RAB10: variants seen among roughly 807,000 people sequenced by gnomAD.
The protein encoded by RAB10 is ras-related protein Rab-10.
In RAB10, 5 loss-of-function variants were observed where a neutral mutation model predicts 25.7. The ratio of observed to expected loss-of-function variants is 0.19; its 90% CI spans 0.10 to 0.41. RAB10 has a LOEUF of 0.41. RAB10 is among the 10% of genes least tolerant of loss of function. RAB10 has a pLI of 1.00. For missense variants in RAB10, 103 were observed against 245.8 expected, an observed-to-expected ratio of 0.42 and a Z score of 3.89; for synonymous variants, 89 against 86.4, an observed-to-expected ratio of 1.03 and a Z score of -0.16.
chr2:26,082,824 T>C (rs1056942091), intron 1 of RAB10, among the ~76,000 whole-genome samples: 1 of 152,172 alleles, frequency 6.6e-6, no homozygotes, highest in East Asian at 1.9e-4. Context: ...GAGATTTTTT[T>C]CAAGAACATA....
intron 1 of RAB10, among the ~76,000 whole-genome samples, chr2:26,035,865 A>T (rs1279863363): frequency 1.3e-5 from 2 of 152,202 alleles, no homozygotes; most frequent in Non-Finnish European, 2.9e-5. Flanking sequence ...TTCTTTTGTG[A>T]CAAATACCTG....
intron 1 of RAB10, among the ~76,000 whole-genome samples, chr2:26,079,354 CTATATACACAT>C (rs1319870278): frequency 2.7e-5 from 4 of 149,228 alleles, no homozygotes; most frequent in Non-Finnish European, 4.5e-5. Flanking sequence ...CACACACACA[CTATATACACAT>C]ACTAGGATTA....
intron 5 of RAB10, among the ~76,000 whole-genome samples, chr2:26,134,235 CCTCCT>C (rs1668064909): frequency 6.6e-6 from 1 of 152,076 alleles, no homozygotes; most frequent in African/African-American, 2.4e-5. Flanking sequence ...CTTGCCTCAG[CCTCCT>C]GAGTAGCTGG....
chr2:26,110,872 AT>A (rs11358915), intron 3 of RAB10, among the ~76,000 whole-genome samples: 116,352 of 151,880 alleles, frequency 0.77, 44,635 homozygotes, highest in East Asian at 0.87. Flanking sequence ...CACCCGGCTA[AT>A]TTTTGTATTT....
In RAB10 at chr2:26,042,068, TGG is replaced by T. The variant is rs1559576220; in HGVS notation, c.127+7334_127+7335del. 2.6e-5 allele frequency among the ~76,000 whole-genome samples: 4 copies of T among 152,180 alleles called. No individual in the cohort carries two copies. The East Asian group carries it at 7.7e-4, about 29-fold the overall frequency. On this transcript the variant is annotated intron_variant, in intron 1 of 5. Transcript: ENST00000264710. ...ACTTATTAGTGATGTGGGAATTACA[TGG>T]ATTTGTCCCCAAAGCACAAGCTTTT...
At position 26,079,062 on chromosome 2, in the gene RAB10, C is replaced by G. The variant is rs566465243; in HGVS notation, c.128-19600C>G. 2.6e-5 allele frequency among the ~76,000 whole-genome samples: 4 copies of G among 152,156 alleles called. No homozygotes were observed. The East Asian group carries it at 5.8e-4, about 22-fold the overall frequency. ...ATTAGCTGAGTATGGTGGTGCCCAC[C>G]TGTAGTCCCAGCTACTCTGGAGGCT... On this transcript the variant is annotated intron_variant, in intron 1 of 5. Coordinates refer to ENST00000264710, the MANE Select transcript of RAB10 (RefSeq NM_016131.5).
chr2:26,092,735 G>A (rs1667134355), intron 1 of RAB10, among the ~76,000 whole-genome samples: 1 of 152,082 alleles, frequency 6.6e-6, no homozygotes, highest in Admixed American at 6.6e-5. Flanking sequence ...AATAGTATCA[G>A]TTGTCACACT....
chr2:26,131,886 T>G (rs1202310208), intron 5 of RAB10, among the ~76,000 whole-genome samples: 1 of 152,276 alleles, frequency 6.6e-6, no homozygotes, highest in Non-Finnish European at 1.5e-5. Context: ...GTTTATATCA[T>G]AATTGAACAA....
At chr2:26,128,694 C>T (rs886520806) in intron 5 of RAB10, among the ~76,000 whole-genome samples, 2 of 152,004 alleles carry the variant, frequency 1.3e-5, no homozygotes, top group African/African-American at 4.8e-5. Flanking sequence ...AAATAAAGGG[C>T]GTGTACATAT....
chr2:26,036,588 G>A (rs1416594004), intron 1 of RAB10, among the ~76,000 whole-genome samples: 1 of 151,856 alleles, frequency 6.6e-6, no homozygotes, highest in Non-Finnish European at 1.5e-5. Flanking sequence ...GAACCTGGGA[G>A]GCGGAGGTTG....
chr2:26,043,573 A>G (rs771430623), intron 1 of RAB10, among the ~76,000 whole-genome samples: 19 of 152,212 alleles, frequency 1.2e-4, no homozygotes, highest in Non-Finnish European at 2.5e-4. Flanking sequence ...ATAGAATGGA[A>G]TATTATTCAG....
chr2:26,041,093 G>A (rs1158420951), intron 1 of RAB10, among the ~76,000 whole-genome samples: 2 of 151,802 alleles, frequency 1.3e-5, no homozygotes, highest in Admixed American at 1.3e-4. Flanking sequence ...CATTTAATGG[G>A]TGCACCATAA....
chr2:26,082,538 T>G (rs1647003921), intron 1 of RAB10, among the ~76,000 whole-genome samples: 1 of 152,138 alleles, frequency 6.6e-6, no homozygotes, highest in African/African-American at 2.4e-5. Context: ...AATCTATAAT[T>G]GTATAGTTGG....
Position 26,135,152 on chromosome 2 carries a change from T to A in RAB10, c.*131T>A, listed in dbSNP as rs996369924. 1.6e-6 allele frequency: 1 copy of A among 629,798 alleles called. No individual in the cohort carries two copies. Among genetic ancestry groups the A allele is most frequent in the Non-Finnish European group, 2.5e-6 (1 of 393,772 alleles). The allele number at this position is 629,798 out of a possible 1,614,324, so 39.0% of individuals were successfully genotyped here. ...TCATCTTAACTATCCAAGCCACCTATTTTATTTGTTCTTTCATCTGTGACT... is the reference window on the plus strand; with the variant it reads ...TCATCTTAACTATCCAAGCCACCTAATTTATTTGTTCTTTCATCTGTGACT... On this transcript the variant is annotated 3_prime_UTR_variant, in exon 6 of 6. Coordinates refer to ENST00000264710, the MANE Select transcript of RAB10 (RefSeq NM_016131.5).
chr2:26,120,929 C>G (rs1201603018), intron 3 of RAB10, among the ~76,000 whole-genome samples: 5 of 146,510 alleles, frequency 3.4e-5, no homozygotes, highest in Non-Finnish European at 6.0e-5. Flanking sequence ...TTTTTTTTCC[C>G]GAGACAAAGT....
At chr2:26,111,032 T>C (rs1667558212) in intron 3 of RAB10, among the ~76,000 whole-genome samples, 1 of 152,220 alleles carries the variant, frequency 6.6e-6, no homozygotes, top group Admixed American at 6.5e-5. Context: ...AAGTTAAAAT[T>C]ATGTATCAAA....
chr2:26,108,703 T>C (rs1273366747), intron 2 of RAB10, among the ~76,000 whole-genome samples: 1 of 152,006 alleles, frequency 6.6e-6, no homozygotes, highest in Admixed American at 6.6e-5. Context: ...TGCAGTAATA[T>C]AAGATGTTAT....
At chr2:26,083,626 G>A (rs1666917792) in intron 1 of RAB10, among the ~76,000 whole-genome samples, 1 of 152,178 alleles carries the variant, frequency 6.6e-6, no homozygotes, top group East Asian at 1.9e-4. Context: ...ACCACACCCG[G>A]TTAATTTTTT....
chr2:26,102,948 T>C (rs1667372606), intron 2 of RAB10, among the ~76,000 whole-genome samples: 1 of 152,246 alleles, frequency 6.6e-6, no homozygotes, highest in South Asian at 2.1e-4. Flanking sequence ...ATTTAGAGCA[T>C]TGTTAGGACA....
Sources: gnomAD v4.1 joint callset for allele counts (sites outside exome capture counted in the v4.1 genomes callset) on GRCh38, gnomAD v4.1.1 for gene constraint, MANE v1.5 for transcripts, NCBI Gene and HGNC (gene_info 2026-07-23, HGNC 2026-07-21) for gene names.